Variants in TTC34 observed in about 807,000 individuals in gnomAD.
The protein encoded by TTC34 is tetratricopeptide repeat protein 34.
Under a neutral mutation model 40.7 loss-of-function variants are expected in TTC34, and 44 were observed. The observed-to-expected ratio is 1.08, with a 90% CI of 0.85 to 1.39. The LOEUF is 1.39. TTC34 is among the 40% of genes most tolerant of loss of function. The pLI is 0.00. For synonymous variants in TTC34, 422 were observed against 398.6 expected (o/e 1.06, Z -0.70); for missense variants, 884 against 838.0 (o/e 1.05, Z -0.68).
At chr1:2,785,656 T>A (rs1282445429) in intron 5 of TTC34, among the ~76,000 whole-genome samples, 163 bp downstream of exon 5, 1 of 152,140 alleles carries the variant, frequency 6.6e-6, no homozygotes, top group East Asian at 1.9e-4. Flanking sequence ...GAAGGTGAAA[T>A]GCCCTCAGCG....
intron 3 of TTC34, 123 bp from the exon 4 acceptor site, chr1:2,787,829 A>T: frequency 1.3e-6 from 1 of 766,156 alleles, no homozygotes; most frequent in South Asian, 2.2e-5. Context: ...CTCCGGAGGG[A>T]CCCTCACGCC....
At chr1:2,780,541 T>A (rs1422017125) in intron 6 of TTC34, among the ~76,000 whole-genome samples, 2 of 152,196 alleles carry the variant, frequency 1.3e-5, no homozygotes, top group East Asian at 3.9e-4. Context: ...CCCCATTGAA[T>A]GGTCTTGGTC....
At chr1:2,793,500 T>G (rs1643683917) in intron 2 of TTC34, among the ~76,000 whole-genome samples, 1 of 152,236 alleles carries the variant, frequency 6.6e-6, no homozygotes, top group African/African-American at 2.4e-5. Context: ...TCAGATGTAT[T>G]AAATTTTTCT....
intron 6 of TTC34, among the ~76,000 whole-genome samples, chr1:2,752,709 G>A (rs1641364020): frequency 1.4e-5 from 2 of 137,938 alleles, no homozygotes; most frequent in Non-Finnish European, 1.5e-5. Flanking sequence ...ATGAGCATCT[G>A]ACAGCATGGA....
In TTC34 at chr1:2,687,394, C is replaced by T. The variant is rs1483199891; in HGVS notation, c.2227-41831G>A. Among the ~76,000 whole-genome samples, 16 of 145,422 alleles carry T rather than the reference C, an allele frequency of 1.1e-4. 1 individual carries two copies. Among genetic ancestry groups the T allele is most frequent in the African/African-American group, 2.1e-4 (8 of 37,548 alleles). On this transcript the variant is annotated intron_variant, in intron 6 of 8. Coordinates refer to ENST00000401095, the Ensembl canonical transcript of TTC34. ...CAGGCGAGCATCTGACAGCCTGGAA[C>T]GGCACCCACACCCCCAGGTGAGCAT...
intron 6 of TTC34, among the ~76,000 whole-genome samples, chr1:2,652,246 C>G (rs200876930): frequency 0.093 from 620 of 6,676 alleles, no homozygotes; most frequent in Non-Finnish European, 0.26. Context: ...GCACCCACAC[C>G]CCCAGGTGAG....
intron 6 of TTC34, among the ~76,000 whole-genome samples, chr1:2,695,838 C>T (rs1569625270): frequency 6.6e-6 from 1 of 151,902 alleles, no homozygotes; most frequent in East Asian, 1.9e-4. Flanking sequence ...ATCCACACCC[C>T]CAGGTGAACA....
chr1:2,775,649 G>GCCT (rs1643078233), intron 6 of TTC34: 1 of 148,728 alleles, frequency 6.7e-6, no homozygotes, highest in Admixed American at 6.6e-5. Flanking sequence ...GCATCTGACA[G>GCCT]GATAAAACAG....
intron 6 of TTC34, among the ~76,000 whole-genome samples, chr1:2,648,645 CA>C (rs1359633422): frequency 6.8e-6 from 1 of 146,748 alleles, no homozygotes; most frequent in Non-Finnish European, 1.5e-5. Flanking sequence ...GAGCATCTTA[CA>C]GCCTGGAACA....
intron 6 of TTC34, among the ~76,000 whole-genome samples, chr1:2,782,514 C>CTG (rs1159255070): frequency 4.0e-5 from 6 of 150,748 alleles, no homozygotes; most frequent in Non-Finnish European, 5.9e-5. Context: ...CTTTTTCTCT[C>CTG]TCTCTTTCTT....
At chr1:2,688,555 G>T (rs571082225) in intron 6 of TTC34, among the ~76,000 whole-genome samples, 1 of 143,432 alleles carries the variant, frequency 7.0e-6, no homozygotes, top group Non-Finnish European at 1.5e-5. Context: ...CTGAACCCAC[G>T]GAGCAGCACC....
At chr1:2,638,999 CACAG>C (rs903558147) in exon 9 of TTC34, 7 of 152,324 alleles carry the variant, frequency 4.6e-5, no homozygotes, top group Admixed American at 2.6e-4. Flanking sequence ...CTTCCTGGTT[CACAG>C]ACAGCTTCTC....
At chr1:2,800,786 C>G in exon 2 of TTC34, 1 of 398,966 alleles carries the variant, frequency 2.5e-6, no homozygotes, top group Admixed American at 4.4e-5. Context: ...GCTGCTCCCC[C>G]TCCCGGCAGA....
rs1221713422 is a variant in TTC34, at chr1:2,688,699, A to G, written c.2227-43136T>C. 5.1e-5 allele frequency among the ~76,000 whole-genome samples: 3 copies of G among 58,260 alleles called. No homozygotes were observed. In the East Asian group the frequency reaches 1.9e-3, roughly 37 times the overall value. 38.2% of individuals were successfully genotyped at this position (58,260 alleles called of 152,430 possible). On this transcript the variant is annotated intron_variant, in intron 6 of 8. Transcript: ENST00000401095. The stretch of plus-strand genomic sequence containing the variant: ...TGGAACAGCACCCTGCACCCCCAGG[A>G]GAGCATCTGACAGCCTGGAACAGCG...
At chr1:2,780,138 TTTG>T (rs1159915098) in intron 6 of TTC34, among the ~76,000 whole-genome samples, 3 of 152,142 alleles carry the variant, frequency 2.0e-5, no homozygotes, top group East Asian at 1.9e-4. Flanking sequence ...GGTTTTTGGC[TTTG>T]TTGTTGTTGA....
chr1:2,799,581 G>A (rs939017117), intron 2 of TTC34, among the ~76,000 whole-genome samples: 2 of 150,892 alleles, frequency 1.3e-5, no homozygotes, highest in Non-Finnish European at 2.9e-5. Context: ...TCACTCCACA[G>A]CTCAGCCTCA....
At chr1:2,688,593 C>A (rs573439256) in intron 6 of TTC34, among the ~76,000 whole-genome samples, 1 of 137,816 alleles carries the variant, frequency 7.3e-6, no homozygotes, top group African/African-American at 3.1e-5. Context: ...ATCCGACAGC[C>A]TGGAGCAGCA....
At chr1:2,644,302 G>A in exon 8 of TTC34, 1 of 1,535,568 alleles carries the variant, frequency 6.5e-7, no homozygotes, top group Non-Finnish European at 8.7e-7. Flanking sequence ...TCCAGGAGAT[G>A]CAGCAGGCAG....
exon 3 of TTC34, chr1:2,790,050 G>A (rs1643645055): frequency 5.0e-6 from 2 of 397,536 alleles, no homozygotes; most frequent in Admixed American, 8.8e-5. Flanking sequence ...AGGCGAAGCA[G>A]GACGCGGAGC....
Sources: gnomAD v4.1 joint callset for allele counts (sites outside exome capture counted in the v4.1 genomes callset) on GRCh38, gnomAD v4.1.1 for gene constraint, MANE v1.5 for transcripts, NCBI Gene and HGNC (gene_info 2026-07-23, HGNC 2026-07-21) for gene names.